The following TEX11 variants were observed in gnomAD, a reference collection of about 807,000 sequenced individuals.
The protein encoded by TEX11 is testis-expressed protein 11.
A neutral mutation model predicts 84.4 loss-of-function variants in TEX11; 7 were observed. That is an observed-to-expected ratio of 0.08 (90% CI 0.05 to 0.16). The LOEUF is 0.16. Ranked by LOEUF, TEX11 falls within the 10% of genes least tolerant of loss-of-function variation. The pLI, the probability that TEX11 is intolerant of heterozygous loss-of-function variation, is 1.00. For missense variants in TEX11, 551 were observed against 660.5 expected, an observed-to-expected ratio of 0.83 and a Z score of 1.82; for synonymous variants, 264 against 222.8, an observed-to-expected ratio of 1.18 and a Z score of -1.64.
Position 70,605,396 on chromosome X carries a change from A to C in TEX11, c.2067+5T>G. The C allele has an allele frequency of 3.5e-6, 4 of 1,157,050 alleles. No individual in the cohort carries two copies. Among genetic ancestry groups the C allele is most frequent in the Non-Finnish European group, 4.7e-6 (4 of 847,376 alleles). Reference sequence around the variant, plus strand: ...CTTGTCTTTTCTTTGAAGGTTGCACATTACCTGTTCAAAAGCTGTTGAAGC... The same window carrying C: ...CTTGTCTTTTCTTTGAAGGTTGCACCTTACCTGTTCAAAAGCTGTTGAAGC... On this transcript the variant is annotated splice_donor_5th_base_variant and intron_variant, in intron 24 of 29. Coordinates refer to ENST00000374333, the MANE Select transcript of TEX11 (RefSeq NM_031276.3).
At chrX:70,574,442 T>G (rs1454799527) in intron 25 of TEX11, among the ~76,000 whole-genome samples, 1 of 111,430 alleles carries the variant, frequency 9.0e-6, no homozygotes, top group Admixed American at 9.6e-5. Flanking sequence ...TCAATCTCCA[T>G]TAAGTACTTT....
At chrX:70,747,829 G>C (rs2090779236) in intron 9 of TEX11, among the ~76,000 whole-genome samples, 1 of 111,086 alleles carries the variant, frequency 9.0e-6, no homozygotes, top group African/African-American at 3.3e-5. Flanking sequence ...TGTTACAAAT[G>C]TATACATGTG....
At chrX:70,856,900 T>C (rs184603460) in intron 5 of TEX11, among the ~76,000 whole-genome samples, 1,412 of 111,017 alleles carry the variant, frequency 0.013, 13 homozygotes, top group Non-Finnish European at 0.021. Context: ...AAAACAGACA[T>C]ATTAACAAAA....
At chrX:70,521,593 G>A in the TEX11 span, among the ~76,000 whole-genome samples, 2 of 111,452 alleles carry the variant, frequency 1.8e-5, no homozygotes, top group African/African-American at 6.5e-5. Context: ...TTCTTTACTT[G>A]TCTTGCTGAC....
At chrX:70,854,404 A>T (rs1180668383) in intron 5 of TEX11, among the ~76,000 whole-genome samples, 1 of 110,769 alleles carries the variant, frequency 9.0e-6, no homozygotes, top group Non-Finnish European at 1.9e-5. Context: ...TCCAAATTTG[A>T]TTTTAAAAAA....
chrX:70,854,926 T>A (rs2091527757), intron 5 of TEX11, among the ~76,000 whole-genome samples: 1 of 108,648 alleles, frequency 9.2e-6, no homozygotes, highest in Admixed American at 1.0e-4. Context: ...TGCACACCTG[T>A]GGTCCCAGCT....
intron 8 of TEX11, among the ~76,000 whole-genome samples, chrX:70,831,119 T>C (rs2091374751): frequency 8.9e-6 from 1 of 111,766 alleles, no homozygotes; most frequent in Non-Finnish European, 1.9e-5. Flanking sequence ...AATAGAATAC[T>C]ATTCAGCCAT....
At chrX:70,762,136 C>T (rs906149617) in intron 9 of TEX11, among the ~76,000 whole-genome samples, 36 of 111,884 alleles carry the variant, frequency 3.2e-4, no homozygotes, top group Admixed American at 3.0e-3. Flanking sequence ...GAACACCAGA[C>T]CTGTCCTGCA....
chrX:70,579,469 C>T lies in TEX11; in HGVS notation c.2140+12282G>A, dbSNP rs1169493443. On this transcript the variant is annotated intron_variant, in intron 25 of 29. Transcript: ENST00000374333. ...CCGAGATCGCACCACTGCACTCCAG[C>T]CTGGGCGACAGAGCAAGACTCCGTC... 2.8e-5 allele frequency among the ~76,000 whole-genome samples: 3 copies of T among 105,809 alleles called. No homozygotes were observed. In the East Asian group the frequency reaches 8.9e-4, roughly 32 times the overall value. The allele number at this position is 105,809 out of a possible 115,157, so 91.9% of individuals were successfully genotyped here.
chrX:70,679,090 C>T (rs1247920966), intron 14 of TEX11, among the ~76,000 whole-genome samples: 1 of 112,642 alleles, frequency 8.9e-6, no homozygotes, highest in African/African-American at 3.2e-5. Context: ...AGGCGCGCGC[C>T]GCCACGCCTG....
chrX:70,686,731 A>G (rs2037730296), intron 13 of TEX11, among the ~76,000 whole-genome samples: 2 of 111,071 alleles, frequency 1.8e-5, no homozygotes, highest in South Asian at 7.7e-4. Context: ...GCCCCAGTAA[A>G]ATTAGAATTT....
At chrX:70,632,285 A>G (rs906941345) in intron 17 of TEX11, among the ~76,000 whole-genome samples, 8 of 111,602 alleles carry the variant, frequency 7.2e-5, no homozygotes, top group Non-Finnish European at 1.3e-4. Flanking sequence ...AGTAGAGCAA[A>G]TGGAACTCAA....
intron 9 of TEX11, among the ~76,000 whole-genome samples, chrX:70,763,876 T>C (rs2090924468): frequency 8.9e-6 from 1 of 111,961 alleles, no homozygotes; most frequent in Admixed American, 9.5e-5. Context: ...ATAGACTTCA[T>C]ACAATAATAG....
chrX:70,636,539 G>C (rs766223596), intron 17 of TEX11, among the ~76,000 whole-genome samples: 108 of 112,108 alleles, frequency 9.6e-4, no homozygotes, highest in Non-Finnish European at 1.8e-3. Flanking sequence ...GCCCACCCCA[G>C]TGCCAGGCCA....
At chrX:70,845,162 T>G (rs1040350485) in intron 7 of TEX11, among the ~76,000 whole-genome samples, 1 of 110,921 alleles carries the variant, frequency 9.0e-6, no homozygotes, top group African/African-American at 3.3e-5. Flanking sequence ...TTGGTTCATT[T>G]TATTTTATCT....
intron 5 of TEX11, among the ~76,000 whole-genome samples, chrX:70,854,282 C>T (rs1342568316): frequency 1.8e-5 from 2 of 110,590 alleles, no homozygotes; most frequent in Non-Finnish European, 3.8e-5. Flanking sequence ...TATTAGGGAT[C>T]AACAAAGCCC....
intron 2 of TEX11, among the ~76,000 whole-genome samples, chrX:70,904,744 T>C (rs1031271962): frequency 1.8e-5 from 2 of 111,905 alleles, no homozygotes; most frequent in Non-Finnish European, 3.8e-5. Flanking sequence ...CAAAATGAGA[T>C]GTGCTTTAAG....
the TEX11 span, among the ~76,000 whole-genome samples, chrX:70,514,610 G>T: frequency 9.9e-6 from 1 of 100,852 alleles, no homozygotes; most frequent in South Asian, 4.5e-4. Flanking sequence ...AAAAAAAAAT[G>T]GAGAAAGAAA....
At chrX:70,846,317 G>GTAA (rs1443180883) in intron 7 of TEX11, 2 of 112,030 alleles carry the variant, frequency 1.8e-5, no homozygotes, top group Non-Finnish European at 3.8e-5. Flanking sequence ...TCTTCTTAAA[G>GTAA]TAAGAGTATA....
Sources: gnomAD v4.1 joint callset for allele counts (sites outside exome capture counted in the v4.1 genomes callset) on GRCh38, gnomAD v4.1.1 for gene constraint, MANE v1.5 for transcripts, NCBI Gene and HGNC (gene_info 2026-07-23, HGNC 2026-07-21) for gene names.